The following TNPO3 variants were observed in gnomAD, a reference collection of about 807,000 sequenced individuals.
TNPO3 encodes the protein transportin-3.
In TNPO3, 65 loss-of-function variants were observed where a neutral mutation model predicts 122.8. The observed-to-expected ratio is 0.53, with a 90% CI of 0.43 to 0.65. TNPO3 has a LOEUF of 0.65. Among genes scored for constraint, TNPO3 ranks in the 30% least tolerant of loss-of-function variants. TNPO3 has a pLI of 0.00. For synonymous variants in TNPO3, 372 were observed against 411.2 expected, an observed-to-expected ratio of 0.90 and a Z score of 1.15; for missense variants, 850 against 1,136.7, an observed-to-expected ratio of 0.75 and a Z score of 3.63.
At chr7:129,024,576 G>A (rs915061011) in intron 1 of TNPO3, among the ~76,000 whole-genome samples, 2 of 152,144 alleles carry the variant, frequency 1.3e-5, no homozygotes, top group African/African-American at 2.4e-5. Context: ...ACAATAACAA[G>A]GGAATCAAAT....
chr7:129,037,161 A>G (rs915443510), intron 1 of TNPO3, among the ~76,000 whole-genome samples: 1 of 152,254 alleles, frequency 6.6e-6, no homozygotes, highest in Non-Finnish European at 1.5e-5. Flanking sequence ...GTGGTATTTA[A>G]AATATATGAA....
intron 1 of TNPO3, among the ~76,000 whole-genome samples, chr7:129,050,110 G>A (rs76696583): frequency 0.096 from 14,580 of 151,770 alleles, 774 homozygotes; most frequent in Non-Finnish European, 0.12. Flanking sequence ...TGGGCTGGGC[G>A]CAGTCACTCA....
At chr7:129,019,041 T>C in intron 1 of TNPO3, among the ~76,000 whole-genome samples, 1 of 152,204 alleles carries the variant, frequency 6.6e-6, no homozygotes, top group East Asian at 1.9e-4. Context: ...TTCTGATGTA[T>C]TACTACTTGG....
chr7:129,005,601 C>T (rs1422700615), intron 4 of TNPO3, among the ~76,000 whole-genome samples: 3 of 151,768 alleles, frequency 2.0e-5, no homozygotes, highest in South Asian at 2.1e-4. Flanking sequence ...GCACCACCCC[C>T]CTCCTTCTCT....
chr7:128,987,028 C>G, intron 11 of TNPO3, 108 bp from the exon 12 acceptor site: 2 of 1,182,732 alleles, frequency 1.7e-6, no homozygotes, highest in Non-Finnish European at 2.3e-6. Context: ...CAAAAGAACC[C>G]TTTTAAAAAG....
intron 4 of TNPO3, among the ~76,000 whole-genome samples, chr7:129,014,254 G>A (rs1803570065): frequency 6.6e-6 from 1 of 152,208 alleles, no homozygotes; most frequent in Admixed American, 6.5e-5. Context: ...TGGGCACAGT[G>A]GCTCACGCCT....
At chr7:128,975,260 G>A (rs1798935470) in intron 17 of TNPO3, among the ~76,000 whole-genome samples, 1 of 152,166 alleles carries the variant, frequency 6.6e-6, no homozygotes, top group African/African-American at 2.4e-5. Context: ...TGAAAGCAAA[G>A]ATTCTATTTA....
In TNPO3 at chr7:129,001,190, G is replaced by A; in HGVS notation, c.741C>T (p.Asp247=). The A allele has an allele frequency of 1.2e-6, 2 of 1,613,672 alleles. No individual in the cohort carries two copies. The highest frequency in any genetic ancestry group is 1.7e-6 in the Non-Finnish European group (2 of 1,179,680). ...TGGCATAGAGAGCTGAGCATACACA[G>A]TCCGAAGCAGCTTCATGTAGGTTAG... The part of the protein sequence containing the change: ...TSSNLHEAAS[D]CVCSALYAIE... The change falls in exon 6 of 23, where the codon GAC becomes GAT. Residue 247 remains aspartate, a synonymous_variant. Coordinates refer to ENST00000265388, the MANE Select transcript of TNPO3 (RefSeq NM_012470.4).
chr7:128,972,524 G>GT lies in TNPO3; in HGVS notation c.2331dup (p.Gln778ThrfsTer17). 6.2e-7 allele frequency: 1 copy of GT among 1,614,174 alleles called. No individual in the cohort carries two copies. Among genetic ancestry groups the GT allele is most frequent in the Non-Finnish European group, 8.5e-7 (1 of 1,180,016 alleles). ...AGGGTAGTAGAGGCAATGGCCCACT[G>GT]TAAGATAGGGATGACCACTTGGCTC... On this transcript the variant is annotated frameshift_variant, in exon 19 of 23. Transcript: ENST00000265388. LOFTEE classifies it high-confidence loss of function.
chr7:129,050,997 C>T (rs780435853), intron 1 of TNPO3, among the ~76,000 whole-genome samples: 15 of 152,036 alleles, frequency 9.9e-5, no homozygotes, highest in Non-Finnish European at 1.5e-4. Context: ...GCGAACCAGG[C>T]CAGACTGGAG....
At chr7:129,009,289 G>C (rs1802922154) in intron 4 of TNPO3, among the ~76,000 whole-genome samples, 1 of 152,144 alleles carries the variant, frequency 6.6e-6, no homozygotes, top group East Asian at 1.9e-4. Context: ...GGGTCCATTA[G>C]GACAGACCAC....
chr7:128,989,322 T>G (rs1028630731), intron 11 of TNPO3, among the ~76,000 whole-genome samples: 1 of 152,220 alleles, frequency 6.6e-6, no homozygotes, highest in Non-Finnish European at 1.5e-5. Flanking sequence ...ATTCTCAGAA[T>G]GTATCCCTCT....
At position 128,956,762 on chromosome 7, in the gene TNPO3, A is replaced by G. The variant is rs564882023; in HGVS notation, c.*31+462T>C. 2.0e-5 allele frequency among the ~76,000 whole-genome samples: 3 copies of G among 152,312 alleles called. No individual in the cohort carries two copies. The East Asian group carries it at 5.8e-4, about 29-fold the overall frequency. Reference sequence around the variant, plus strand: ...TGCCCTGGTCAAAACCTGGCACTTCAGCATTCAGGTCATAAAAGTGATAAG... The same window carrying G: ...TGCCCTGGTCAAAACCTGGCACTTCGGCATTCAGGTCATAAAAGTGATAAG... On this transcript the variant is annotated intron_variant, in intron 22 of 22. Coordinates refer to ENST00000265388, the MANE Select transcript of TNPO3 (RefSeq NM_012470.4).
intron 1 of TNPO3, among the ~76,000 whole-genome samples, chr7:129,049,446 A>C (rs1156365552): frequency 6.6e-6 from 1 of 152,236 alleles, no homozygotes; most frequent in Non-Finnish European, 1.5e-5. Context: ...AATGACTAGA[A>C]TGATAGATCT....
intron 8 of TNPO3, among the ~76,000 whole-genome samples, chr7:128,994,435 G>A (rs774895051): frequency 2.0e-5 from 3 of 152,078 alleles, no homozygotes; most frequent in Non-Finnish European, 2.9e-5. Flanking sequence ...TAGCCACCGT[G>A]AGCCGGCATG....
intron 1 of TNPO3, among the ~76,000 whole-genome samples, chr7:129,024,176 C>T (rs1225858234): frequency 1.3e-5 from 2 of 152,178 alleles, no homozygotes; most frequent in East Asian, 3.8e-4. Flanking sequence ...GAACACTTAA[C>T]TCTGAGGAAA....
At position 129,017,986 on chromosome 7, in the gene TNPO3, T is replaced by C. The variant is rs1426070292; in HGVS notation, c.292A>G (p.Lys98Glu). The C allele has an allele frequency of 6.2e-7, 1 of 1,614,146 alleles. No individual in the cohort carries two copies. Reference sequence around the variant, plus strand: ...GTTACAATAACAGGTGACAAGTCTTTCAAGTTCTGGATATGGGTTAGCAAT... The same window carrying C: ...GTTACAATAACAGGTGACAAGTCTTCCAAGTTCTGGATATGGGTTAGCAAT... ...DSLLTHIQNL[K>E]DLSPVIVTQL... is the part of the protein sequence containing the mutation. The change falls in exon 2 of 23, where the codon AAA (lysine) becomes GAA (glutamate). Residue 98 changes from lysine to glutamate, a missense_variant. Lys to Glu is a moderately conservative substitution (Grantham distance 56). Coordinates refer to ENST00000265388, the MANE Select transcript of TNPO3 (RefSeq NM_012470.4).
chr7:129,010,733 T>G (rs1222742705), intron 4 of TNPO3, among the ~76,000 whole-genome samples: 1 of 152,192 alleles, frequency 6.6e-6, no homozygotes, highest in Non-Finnish European at 1.5e-5. Flanking sequence ...TATGATATAT[T>G]CTAGCCCAAA....
At chr7:129,009,161 G>C (rs1009813335) in intron 4 of TNPO3, among the ~76,000 whole-genome samples, 8 of 152,162 alleles carry the variant, frequency 5.3e-5, no homozygotes, top group Admixed American at 6.5e-5. Context: ...TGAGATCTTA[G>C]ATTAACAAAA....
Sources: allele counts gnomAD v4.1 joint callset (sites outside exome capture counted in the v4.1 genomes callset), GRCh38; gene constraint gnomAD v4.1.1; transcripts MANE v1.5; gene names NCBI Gene and HGNC (gene_info 2026-07-23, HGNC 2026-07-21).